DPP10: variants seen among roughly 807,000 people sequenced by gnomAD.
The protein encoded by DPP10 is inactive dipeptidyl peptidase 10.
DPP10 carries 33 observed loss-of-function variants against 120.9 expected under a neutral mutation model. That is an observed-to-expected ratio of 0.27 (90% confidence interval 0.21 to 0.37). The LOEUF (loss-of-function observed/expected upper bound fraction) is 0.37, where lower values mean the gene tolerates loss of function less well. DPP10 is among the 10% of genes least tolerant of loss of function. The pLI is 1.00. For synonymous variants in DPP10, 337 were observed against 326.1 expected (o/e 1.03, Z -0.36); for missense variants, 816 against 942.8 (o/e 0.87, Z 1.76).
At chr2:115,385,544 C>T (rs2066872071) in intron 3 of DPP10, among the ~76,000 whole-genome samples, 1 of 151,812 alleles carries the variant, frequency 6.6e-6, no homozygotes, top group Admixed American at 6.6e-5. Context: ...TTTAGTAGAG[C>T]TGGGGTTTTA....
At chr2:115,732,131 A>G (rs2092925855) in intron 8 of DPP10, among the ~76,000 whole-genome samples, 1 of 152,214 alleles carries the variant, frequency 6.6e-6, no homozygotes, top group Non-Finnish European at 1.5e-5. Context: ...TACAGGAGTC[A>G]ATTACAATCT....
At chr2:114,949,548 A>T (rs1208886396) in intron 1 of DPP10, among the ~76,000 whole-genome samples, 1 of 152,134 alleles carries the variant, frequency 6.6e-6, no homozygotes, top group Non-Finnish European at 1.5e-5. Flanking sequence ...TCATCCTCAG[A>T]GATTTTGATT....
intron 1 of DPP10, among the ~76,000 whole-genome samples, chr2:115,176,422 A>C (rs2053696011): frequency 6.6e-6 from 1 of 151,132 alleles, no homozygotes; most frequent in South Asian, 2.1e-4. Flanking sequence ...AATAGATTCC[A>C]CTTTTATTCC....
At chr2:115,194,273 A>G (rs2055093045) in intron 1 of DPP10, among the ~76,000 whole-genome samples, 1 of 151,716 alleles carries the variant, frequency 6.6e-6, no homozygotes, top group African/African-American at 2.4e-5. Flanking sequence ...TGCCCGAGCT[A>G]GAGTGCAATG....
chr2:115,442,363 TTG>T (rs555025083), intron 3 of DPP10, among the ~76,000 whole-genome samples: 186 of 146,946 alleles, frequency 1.3e-3, no homozygotes, highest in East Asian at 3.6e-3. Flanking sequence ...GTGTGTGTGT[TTG>T]TGTGTGTGTG....
intron 1 of DPP10, among the ~76,000 whole-genome samples, chr2:115,305,779 A>G (rs2061336734): frequency 6.6e-6 from 1 of 151,870 alleles, no homozygotes; most frequent in African/African-American, 2.4e-5. Flanking sequence ...AAAATTTTCT[A>G]AGATGTGATT....
At chr2:114,928,367 A>G (rs1695797177) in intron 1 of DPP10, among the ~76,000 whole-genome samples, 1 of 152,212 alleles carries the variant, frequency 6.6e-6, no homozygotes, top group South Asian at 2.1e-4. Flanking sequence ...ATGAGCCAAA[A>G]GAAAGGGATA....
chr2:115,654,300 T>C (rs1160844981), intron 5 of DPP10, among the ~76,000 whole-genome samples: 1 of 151,852 alleles, frequency 6.6e-6, no homozygotes, highest in Non-Finnish European at 1.5e-5. Context: ...GCGAATTGCC[T>C]TTGTCATTTA....
At chr2:115,001,831 G>A (rs754196363) in intron 1 of DPP10, among the ~76,000 whole-genome samples, 15 of 152,090 alleles carry the variant, frequency 9.9e-5, no homozygotes, top group South Asian at 2.1e-4. Context: ...CCAGGGAGGC[G>A]AAAGACCTCT....
chr2:114,582,729 G>A (rs1690637177), intron 1 of DPP10, among the ~76,000 whole-genome samples: 1 of 152,078 alleles, frequency 6.6e-6, no homozygotes. Context: ...TTTGCCATCT[G>A]GATGTCTCCT....
At chr2:115,289,485 CAA>C (rs71394125) in intron 1 of DPP10, among the ~76,000 whole-genome samples, 9 of 38,888 alleles carry the variant, frequency 2.3e-4, no homozygotes, top group East Asian at 2.0e-3. Flanking sequence ...CATAAGAAAC[CAA>C]AAAAAAAAAA....
chr2:114,763,970 T>G (rs1680496090), intron 1 of DPP10, among the ~76,000 whole-genome samples: 1 of 152,172 alleles, frequency 6.6e-6, no homozygotes, highest in Non-Finnish European at 1.5e-5. Context: ...TTATATTATC[T>G]CCACAGACCT....
chr2:115,212,375 G>C (rs1274814006), intron 1 of DPP10, among the ~76,000 whole-genome samples: 1 of 152,080 alleles, frequency 6.6e-6, no homozygotes, highest in Non-Finnish European at 1.5e-5. Flanking sequence ...TTTGCCAAAG[G>C]GAACACACTA....
At chr2:115,382,480 C>G (rs1271474889) in intron 3 of DPP10, among the ~76,000 whole-genome samples, 1 of 152,184 alleles carries the variant, frequency 6.6e-6, no homozygotes, top group Non-Finnish European at 1.5e-5. Flanking sequence ...TTGAGATGAA[C>G]CTGGTACCTC....
At chr2:114,732,518 T>C (rs775871480) in intron 1 of DPP10, among the ~76,000 whole-genome samples, 2 of 152,158 alleles carry the variant, frequency 1.3e-5, no homozygotes, top group Non-Finnish European at 2.9e-5. Flanking sequence ...AGACATAAGC[T>C]TGTGTGAGAT....
intron 3 of DPP10, among the ~76,000 whole-genome samples, chr2:115,413,488 C>A (rs961100841): frequency 3.3e-5 from 5 of 152,014 alleles, no homozygotes; most frequent in Admixed American, 3.3e-4. Flanking sequence ...AATTAGATTT[C>A]TTTATATTTT....
At chr2:115,275,861 G>A (rs900815698) in intron 1 of DPP10, among the ~76,000 whole-genome samples, 6 of 151,876 alleles carry the variant, frequency 4.0e-5, no homozygotes, top group African/African-American at 1.5e-4. Flanking sequence ...CACCACGCCC[G>A]GCTAATTTTT....
intron 5 of DPP10, among the ~76,000 whole-genome samples, chr2:115,531,929 A>G (rs2078492632): frequency 1.3e-5 from 2 of 152,254 alleles, no homozygotes; most frequent in South Asian, 4.1e-4. Flanking sequence ...ATTAGTTCAT[A>G]AAATATATCC....
rs35685856 is a variant in DPP10, at chr2:114,981,779, GT to G, written c.61-327449del. ...TTGTTTTGTTTTGTTTTTTGTTTTT[GT>G]TTTTTTTTTTAGATAGGGTGTCTCA... On this transcript the variant is annotated intron_variant, in intron 1 of 25. Transcript: ENST00000410059. Among the ~76,000 whole-genome samples, 567 of 145,814 alleles carry G rather than the reference GT, an allele frequency of 3.9e-3. 5 individuals carry two copies. The highest frequency in any genetic ancestry group is 0.013 in the African/African-American group (532 of 39,780).
Sources: gnomAD v4.1 joint callset for allele counts (sites outside exome capture counted in the v4.1 genomes callset) on GRCh38, gnomAD v4.1.1 for gene constraint, MANE v1.5 for transcripts, NCBI Gene and HGNC (gene_info 2026-07-23, HGNC 2026-07-21) for gene names.